Variants in TAFA2 observed in about 807,000 individuals in gnomAD.
The protein encoded by TAFA2 is chemokine-like protein TAFA-2.
TAFA2 carries 7 observed loss-of-function variants against 18.8 expected under a neutral mutation model. The ratio of observed to expected loss-of-function variants is 0.37; its 90% CI spans 0.21 to 0.70. The LOEUF (loss-of-function observed/expected upper bound fraction) is 0.70. TAFA2 is among the 30% of genes least tolerant of loss of function. The pLI is 0.53. For synonymous variants in TAFA2, 60 were observed against 54.2 expected (o/e 1.11, Z -0.47); for missense variants, 122 against 158.1 (o/e 0.77, Z 1.23).
chr12:61,864,601 G>A (rs1335554798), intron 2 of TAFA2, among the ~76,000 whole-genome samples: 11 of 151,018 alleles, frequency 7.3e-5, no homozygotes, highest in South Asian at 4.2e-4. Context: ...GTGAAACCCC[G>A]TCTCTACTAA....
At chr12:61,941,461 G>A (rs1009935135) in intron 1 of TAFA2, among the ~76,000 whole-genome samples, 10 of 152,168 alleles carry the variant, frequency 6.6e-5, no homozygotes, top group East Asian at 1.9e-4. Flanking sequence ...CAAGATGGCC[G>A]AATAGGAACA....
chr12:61,847,772 G>A (rs930975618), intron 2 of TAFA2, among the ~76,000 whole-genome samples: 4 of 152,120 alleles, frequency 2.6e-5, no homozygotes, highest in Admixed American at 2.6e-4. Flanking sequence ...GCGTGTCTTT[G>A]TCAGGAAAAA....
intron 1 of TAFA2, among the ~76,000 whole-genome samples, chr12:61,975,076 A>G (rs1477394239): frequency 6.6e-6 from 1 of 151,764 alleles, no homozygotes; most frequent in Non-Finnish European, 1.5e-5. Context: ...GTTTTCATAC[A>G]CATATGCATA....
rs71465116 is a variant in TAFA2 at position 61,925,494 on chromosome 12, A to C, written c.-1-58068T>G. On this transcript the variant is annotated intron_variant, in intron 1 of 4. Coordinates refer to ENST00000416284, the MANE Select transcript of TAFA2 (RefSeq NM_178539.5). Reference sequence around the variant, plus strand: ...CCTACTCCTGAATGACTACTGGGTAAATAATGAAATTAAGGCAGAAATAAA... The same window carrying C: ...CCTACTCCTGAATGACTACTGGGTACATAATGAAATTAAGGCAGAAATAAA... Among the ~76,000 whole-genome samples, 617 of 152,308 alleles carry C rather than the reference A, an allele frequency of 4.1e-3. 1 individual carries two copies. Among genetic ancestry groups the C allele is most frequent in the Middle Eastern group, 0.01 (3 of 294 alleles).
At chr12:61,893,765 C>G (rs1177222403) in intron 1 of TAFA2, among the ~76,000 whole-genome samples, 1 of 152,160 alleles carries the variant, frequency 6.6e-6, no homozygotes, top group Non-Finnish European at 1.5e-5. Context: ...CTATTATATA[C>G]TCACATAAAC....
At chr12:61,885,061 A>G (rs1205513713) in intron 1 of TAFA2, among the ~76,000 whole-genome samples, 1 of 152,180 alleles carries the variant, frequency 6.6e-6, no homozygotes, top group Non-Finnish European at 1.5e-5. Context: ...TTTCAAATGG[A>G]TGAAATATTT....
At chr12:62,067,554 C>A (rs1053199792) in intron 1 of TAFA2, among the ~76,000 whole-genome samples, 4 of 152,020 alleles carry the variant, frequency 2.6e-5, no homozygotes, top group African/African-American at 9.7e-5. Flanking sequence ...TTCTCAGCAC[C>A]ACTTATTGAA....
intron 1 of TAFA2, among the ~76,000 whole-genome samples, chr12:62,060,573 G>A (rs1192952526): frequency 6.6e-6 from 1 of 152,156 alleles, no homozygotes; most frequent in Non-Finnish European, 1.5e-5. Context: ...GTTTTAGTGT[G>A]TACTCCTTCT....
In TAFA2 at chr12:62,094,429, C is replaced by T. The variant is rs1425982224; in HGVS notation, c.-2+96830G>A. ...TGTGCAATAAATTCTCAGAAATCAC[C>T]ACTGAAGAACTTACGCATGTAACCA... On this transcript the variant is annotated intron_variant, in intron 1 of 4. Transcript: ENST00000416284. 2.6e-5 allele frequency among the ~76,000 whole-genome samples: 4 copies of T among 151,918 alleles called. No homozygotes were observed. In the East Asian group the frequency reaches 7.7e-4, roughly 29 times the overall value.
At chr12:61,746,353 T>C (rs905543960) in intron 4 of TAFA2, among the ~76,000 whole-genome samples, 4 of 152,098 alleles carry the variant, frequency 2.6e-5, no homozygotes, top group African/African-American at 7.2e-5. Context: ...CAATTAACCC[T>C]CCTTCCTTTA....
At chr12:62,044,353 C>G (rs529079098) in intron 1 of TAFA2, among the ~76,000 whole-genome samples, 4 of 152,024 alleles carry the variant, frequency 2.6e-5, no homozygotes, top group African/African-American at 7.2e-5. Flanking sequence ...TCTATAATTA[C>G]AAAAAGTGGT....
rs938673218 is a variant in TAFA2 at position 61,993,063 on chromosome 12, C to A, written c.-1-125637G>T. Among the ~76,000 whole-genome samples the A allele has an allele frequency of 2.0e-5, 3 of 152,174 alleles. No individual in the cohort carries two copies. In the East Asian group the frequency reaches 5.8e-4, roughly 29 times the overall value. ...ATGTCCAAAATCACACAGCTAGAAA[C>A]TGGCCACGCTGAAGTTTTAACCAGA... On this transcript the variant is annotated intron_variant, in intron 1 of 4. Coordinates refer to ENST00000416284, the MANE Select transcript of TAFA2 (RefSeq NM_178539.5).
At chr12:61,714,406 G>A (rs760723667) in intron 4 of TAFA2, among the ~76,000 whole-genome samples, 29 of 152,160 alleles carry the variant, frequency 1.9e-4, no homozygotes, top group Non-Finnish European at 2.9e-4. Context: ...CAAGCAGGAC[G>A]CTACCCTGGT....
chr12:62,226,974 A>C (rs2062789564), intron 1 of TAFA2, among the ~76,000 whole-genome samples: 1 of 152,202 alleles, frequency 6.6e-6, no homozygotes, highest in Non-Finnish European at 1.5e-5. Flanking sequence ...AAGCCTTGGT[A>C]GTCTATCTGA....
At chr12:62,219,704 CTT>C (rs1280371326) in intron 1 of TAFA2, among the ~76,000 whole-genome samples, 1 of 152,132 alleles carries the variant, frequency 6.6e-6, no homozygotes, top group African/African-American at 2.4e-5. Flanking sequence ...AACCTAACTG[CTT>C]TTAATATAAA....
chr12:61,717,730 A>G (rs1002196006), intron 4 of TAFA2, among the ~76,000 whole-genome samples: 8 of 152,158 alleles, frequency 5.3e-5, no homozygotes, highest in Admixed American at 6.5e-5. Flanking sequence ...CTTGGCATAT[A>G]ATCTTTCTAG....
At chr12:62,204,771 T>A (rs535598154) in intron 1 of TAFA2, among the ~76,000 whole-genome samples, 6 of 152,314 alleles carry the variant, frequency 3.9e-5, no homozygotes, top group African/African-American at 1.2e-4. Context: ...GGTTAGAACA[T>A]GCTCCTTTAG....
rs893813513 is a variant in TAFA2, at chr12:62,153,599, G to A, written c.-2+37660C>T. Among the ~76,000 whole-genome samples, 3 of 152,088 alleles carry A rather than the reference G, an allele frequency of 2.0e-5. No individual in the cohort carries two copies. In the South Asian group the frequency reaches 6.2e-4, roughly 32 times the overall value. On this transcript the variant is annotated intron_variant, in intron 1 of 4. Transcript: ENST00000416284. The stretch of plus-strand genomic sequence containing the variant: ...GCAGGAGGACCGCTTAACCCCTGGA[G>A]TTTGAGGCCACAGTCAGCTATGATT...
intron 2 of TAFA2, among the ~76,000 whole-genome samples, chr12:61,866,979 C>T (rs2359980): frequency 0.81 from 122,729 of 151,552 alleles, 49,816 homozygotes; most frequent in East Asian, 0.89. Flanking sequence ...GGTACATGTG[C>T]ACAACGTGCA....
Sources: allele counts gnomAD v4.1 joint callset (sites outside exome capture counted in the v4.1 genomes callset), GRCh38; gene constraint gnomAD v4.1.1; transcripts MANE v1.5; gene names NCBI Gene and HGNC (gene_info 2026-07-23, HGNC 2026-07-21).